Variants in SLIT2 observed in about 807,000 individuals in gnomAD.
SLIT2 encodes slit guidance ligand 2.
A neutral mutation model predicts 185.7 loss-of-function variants in SLIT2; 41 were observed. The observed-to-expected ratio is 0.22, with a 90% CI of 0.17 to 0.29. SLIT2 has a LOEUF of 0.29. Among genes scored for constraint, SLIT2 ranks in the 10% least tolerant of loss-of-function variants. SLIT2 has a pLI of 1.00. For missense variants in SLIT2, 1,571 were observed against 1,909.0 expected, an observed-to-expected ratio of 0.82 and a Z score of 3.30; for synonymous variants, 693 against 680.2, an observed-to-expected ratio of 1.02 and a Z score of -0.29.
chr4:20,543,707 C>T (rs1000582387), intron 21 of SLIT2, among the ~76,000 whole-genome samples: 1 of 151,926 alleles, frequency 6.6e-6, no homozygotes, highest in Non-Finnish European at 1.5e-5. Flanking sequence ...TTCTTTAAAC[C>T]CTAAGTTTGA....
At chr4:20,604,536 A>C (rs995178350) in intron 33 of SLIT2, among the ~76,000 whole-genome samples, 1 of 151,884 alleles carries the variant, frequency 6.6e-6, no homozygotes, top group African/African-American at 2.4e-5. Flanking sequence ...TTTAATAGAG[A>C]TGGGGTTTCA....
intron 4 of SLIT2, among the ~76,000 whole-genome samples, chr4:20,363,904 TTGTGGGATG>T (rs1378085326): frequency 1.3e-5 from 2 of 152,116 alleles, no homozygotes; most frequent in African/African-American, 4.8e-5. Context: ...TTGCTGTAAA[TTGTGGGATG>T]TGTAGAAAAA....
At chr4:20,553,757 ATGTGTGTG>A in intron 25 of SLIT2, 40 bp from the exon 26 acceptor site, 1 of 1,163,464 alleles carries the variant, frequency 8.6e-7, no homozygotes, top group Non-Finnish European at 1.1e-6. Context: ...GTGTGTGTGT[ATGTGTGTG>A]TGTGTATGTG....
intron 26 of SLIT2, among the ~76,000 whole-genome samples, chr4:20,559,259 C>T (rs1044104519): frequency 6.6e-6 from 1 of 151,946 alleles, no homozygotes; most frequent in Admixed American, 6.6e-5. Context: ...ATAGATTGCA[C>T]GTATTTCAAA....
At chr4:20,352,080 A>G (rs1721926980) in intron 4 of SLIT2, among the ~76,000 whole-genome samples, 2 of 152,178 alleles carry the variant, frequency 1.3e-5, no homozygotes. Context: ...ATGCTGGCAA[A>G]GTGTCAGTGC....
chr4:20,523,979 T>G, intron 13 of SLIT2, 35 bp from the exon 14 acceptor site: 1 of 1,612,964 alleles, frequency 6.2e-7, no homozygotes, highest in Non-Finnish European at 8.5e-7. Context: ...CCATTGCAAG[T>G]CATCTATAAA....
intron 35 of SLIT2, 64 bp downstream of exon 35, chr4:20,617,262 G>A: frequency 7.1e-7 from 1 of 1,406,162 alleles, no homozygotes; most frequent in South Asian, 1.3e-5. Flanking sequence ...ACCAAAGGAA[G>A]GAAGGAAAGA....
intron 4 of SLIT2, among the ~76,000 whole-genome samples, chr4:20,302,695 C>T (rs1717168313): frequency 6.6e-6 from 1 of 152,068 alleles, no homozygotes; most frequent in South Asian, 2.1e-4. Flanking sequence ...ACTGTGCAAT[C>T]CAGTGACCAA....
chr4:20,346,945 G>A (rs1291921340), intron 4 of SLIT2, among the ~76,000 whole-genome samples: 1 of 152,132 alleles, frequency 6.6e-6, no homozygotes, highest in Non-Finnish European at 1.5e-5. Flanking sequence ...CCGGATTGAG[G>A]ATGGGTCTGT....
chr4:20,468,893 C>G (rs1714658787), intron 5 of SLIT2, among the ~76,000 whole-genome samples: 1 of 151,244 alleles, frequency 6.6e-6, no homozygotes, highest in South Asian at 2.1e-4. Context: ...GATGTTTTCC[C>G]TTGTCAAAGA....
At position 20,617,925 on chromosome 4, in the gene SLIT2, A is replaced by C. The variant is rs138714498; in HGVS notation, c.4348+275A>C. On this transcript the variant is annotated intron_variant, in intron 36 of 36. Coordinates refer to ENST00000504154, the MANE Select transcript of SLIT2 (RefSeq NM_004787.4). ...GCCTTCAGATGCTTCTCACAAGTTG[A>C]TTTGTTGTAAAAGAAATGCTCCTTT... 4.4e-3 allele frequency among the ~76,000 whole-genome samples: 670 copies of C among 152,222 alleles called. 8 individuals are homozygous for C. The highest frequency in any genetic ancestry group is 0.015 in the African/African-American group (625 of 41,518).
At position 20,617,217 on chromosome 4, in the gene SLIT2, G is replaced by T. The variant is rs1729732375; in HGVS notation, c.4136+19G>T. The T allele has an allele frequency of 6.4e-7, 1 of 1,553,414 alleles. No homozygotes were observed. Among genetic ancestry groups the T allele is most frequent in the South Asian group, 1.2e-5 (1 of 81,372 alleles). ...GAAATAAGTAAGTTCCTGCTGCTTG[G>T]GAGTTGAGCACACACCTGAAAGCCT... On this transcript the variant is annotated intron_variant, in intron 35 of 36. Transcript: ENST00000504154.
At chr4:20,488,349 A>G (rs1347676077) in intron 7 of SLIT2, among the ~76,000 whole-genome samples, 4 of 152,182 alleles carry the variant, frequency 2.6e-5, no homozygotes, top group Non-Finnish European at 1.5e-5. Context: ...GTTCAGCAAA[A>G]AATGCAAGTG....
chr4:20,458,554 T>C (rs1478710690), intron 4 of SLIT2, among the ~76,000 whole-genome samples: 1 of 152,226 alleles, frequency 6.6e-6, no homozygotes, highest in Non-Finnish European at 1.5e-5. Context: ...GTCTGTTTTT[T>C]AAAACAATGT....
chr4:20,547,340 A>G (rs888788326), intron 22 of SLIT2, among the ~76,000 whole-genome samples: 1 of 152,098 alleles, frequency 6.6e-6, no homozygotes, highest in Non-Finnish European at 1.5e-5. Context: ...GCATGTGATT[A>G]CTTTCAAGCC....
intron 29 of SLIT2, among the ~76,000 whole-genome samples, chr4:20,577,263 G>A (rs570117645): frequency 1.6e-4 from 25 of 152,202 alleles, no homozygotes; most frequent in African/African-American, 5.3e-4. Flanking sequence ...TATGGACACC[G>A]ACCAATCTCC....
intron 9 of SLIT2, among the ~76,000 whole-genome samples, chr4:20,495,923 A>G (rs977867428): frequency 5.3e-5 from 8 of 152,182 alleles, no homozygotes; most frequent in Non-Finnish European, 1.0e-4. Flanking sequence ...AAATGTGGAA[A>G]TATCTTTATA....
chr4:20,397,235 CCTAA>C (rs1277977767), intron 4 of SLIT2, among the ~76,000 whole-genome samples: 5 of 151,776 alleles, frequency 3.3e-5, no homozygotes, highest in South Asian at 2.1e-4. Context: ...CAGGGACCTA[CCTAA>C]CTAACTTTCA....
chr4:20,280,838 T>G lies in SLIT2; in HGVS notation c.395+11957T>G, dbSNP rs532230665. On this transcript the variant is annotated intron_variant, in intron 4 of 36. Transcript: ENST00000504154. ...AAGGCTTATATTAAAAAAATGTTTT[T>G]TTTTTTTTTTTGAGACGGAGTTTTT... Among the ~76,000 whole-genome samples the G allele has an allele frequency of 4.0e-4, 61 of 151,710 alleles. 1 individual carries two copies. The highest frequency in any genetic ancestry group is 3.9e-3 in the East Asian group (20 of 5,148).
Sources: allele counts gnomAD v4.1 joint callset (sites outside exome capture counted in the v4.1 genomes callset), GRCh38; gene constraint gnomAD v4.1.1; transcripts MANE v1.5; gene names NCBI Gene and HGNC (gene_info 2026-07-23, HGNC 2026-07-21).